EML6: variants seen among roughly 807,000 people sequenced by gnomAD.
EML6 encodes echinoderm microtubule-associated protein-like 6.
Under a neutral mutation model 240.1 loss-of-function variants are expected in EML6, and 154 were observed. That is an observed-to-expected ratio of 0.64 (90% CI 0.56 to 0.73). EML6 has a LOEUF of 0.73. Among genes scored for constraint, EML6 ranks in the 30% least tolerant of loss-of-function variants. The pLI is 0.00. For missense variants in EML6, 2,964 were observed against 2,474.6 expected (o/e 1.20, Z -4.20); for synonymous variants, 1,148 against 899.0 (o/e 1.28, Z -4.95).
chr2:54,960,921 A>G (rs1472352779), intron 35 of EML6, among the ~76,000 whole-genome samples: 1 of 152,058 alleles, frequency 6.6e-6, no homozygotes, highest in Non-Finnish European at 1.5e-5. Flanking sequence ...ATTTCCTTCT[A>G]TTTAAATTCC....
intron 21 of EML6, among the ~76,000 whole-genome samples, chr2:54,896,111 C>G (rs145170516): frequency 1.3e-4 from 20 of 152,290 alleles, no homozygotes; most frequent in Non-Finnish European, 2.6e-4. Flanking sequence ...TTATTCATGT[C>G]CCTACCACAT....
At chr2:54,740,960 AT>A (rs1356703566) in intron 2 of EML6, among the ~76,000 whole-genome samples, 1 of 152,188 alleles carries the variant, frequency 6.6e-6, no homozygotes, top group Non-Finnish European at 1.5e-5. Flanking sequence ...TAAATTTATA[AT>A]TATTTTCTTC....
chr2:54,801,370 C>G (rs112235365), intron 2 of EML6, among the ~76,000 whole-genome samples: 11 of 150,940 alleles, frequency 7.3e-5, no homozygotes, highest in Non-Finnish European at 1.6e-4. Flanking sequence ...CTTCCTATGA[C>G]GTGTCTGAGA....
intron 2 of EML6, among the ~76,000 whole-genome samples, chr2:54,760,987 G>C (rs1229186006): frequency 1.3e-5 from 2 of 152,074 alleles, no homozygotes; most frequent in Admixed American, 1.3e-4. Context: ...GAAGTACTGA[G>C]TTTGGTAATC....
At chr2:54,937,829 TTAAA>T (rs1675227412) in intron 28 of EML6, among the ~76,000 whole-genome samples, 2 of 152,226 alleles carry the variant, frequency 1.3e-5, no homozygotes, top group Non-Finnish European at 2.9e-5. Flanking sequence ...TGTGCATTAA[TTAAA>T]TACTGTTTGT....
intron 17 of EML6, among the ~76,000 whole-genome samples, chr2:54,887,537 T>G (rs1672214734): frequency 6.6e-6 from 1 of 152,244 alleles, no homozygotes; most frequent in South Asian, 2.1e-4. Context: ...TTAAATTTAT[T>G]AATCTTTTAT....
chr2:54,859,318 G>A (rs1159729617), intron 11 of EML6, among the ~76,000 whole-genome samples: 2 of 152,136 alleles, frequency 1.3e-5, no homozygotes, highest in African/African-American at 4.8e-5. Flanking sequence ...TAGCCACAGG[G>A]CTTAAATTTT....
At chr2:54,737,442 G>T (rs765191729) in intron 2 of EML6, among the ~76,000 whole-genome samples, 10 of 152,084 alleles carry the variant, frequency 6.6e-5, no homozygotes, top group South Asian at 2.1e-4. Flanking sequence ...GGGATTATAG[G>T]CATGCGCCAC....
chr2:54,909,180 T>C (rs1332697450), intron 24 of EML6, among the ~76,000 whole-genome samples: 1 of 152,222 alleles, frequency 6.6e-6, no homozygotes, highest in African/African-American at 2.4e-5. Flanking sequence ...ATTCAAAGAA[T>C]GTGTTCACTG....
At chr2:54,892,395 A>G (rs551124545) in intron 18 of EML6, 59 bp from the exon 19 acceptor site, 37 of 1,147,466 alleles carry the variant, frequency 3.2e-5, no homozygotes, top group East Asian at 1.5e-4. Context: ...TAGTCCTTCT[A>G]CATGCTTATA....
Position 54,724,128 on chromosome 2 carries a change from C to T in EML6, c.-514+351C>T, listed in dbSNP as rs1429534375. Among the ~76,000 whole-genome samples, 2 of 152,134 alleles carry T rather than the reference C, an allele frequency of 1.3e-5. No homozygotes were observed. On this transcript the variant is annotated intron_variant, in intron 1 of 41. Transcript: ENST00000356458. The surrounding 1 kb of genome is among the most constrained non-coding windows in gnomAD (Gnocchi z 5.2). ...AGGTAGCGCACTCCCTCCGACTGCA[C>T]TAGTGCCTCGTTTCTTCCGAGTAAG...
At chr2:54,969,507 T>C (rs1023787046) in intron 41 of EML6, among the ~76,000 whole-genome samples, 11 of 152,208 alleles carry the variant, frequency 7.2e-5, no homozygotes, top group African/African-American at 2.7e-4. Context: ...GCCCTTGAGA[T>C]AGTACCGCCA....
intron 9 of EML6, 131 bp downstream of exon 9, chr2:54,847,754 TACGATCCC>T: frequency 2.2e-6 from 2 of 926,760 alleles, no homozygotes; most frequent in Non-Finnish European, 3.1e-6. Flanking sequence ...ACTATAGATC[TACGATCCC>T]CTATCTGTAA....
At chr2:54,821,205 A>G (rs1668319288) in intron 5 of EML6, among the ~76,000 whole-genome samples, 1 of 152,182 alleles carries the variant, frequency 6.6e-6, no homozygotes, top group African/African-American at 2.4e-5. Context: ...ACATTTCTGT[A>G]TGAATGAAGA....
Position 54,892,668 on chromosome 2 carries a change from G to A in EML6, c.2742+12G>A. The A allele has an allele frequency of 6.5e-7, 1 of 1,541,158 alleles. No homozygotes were observed. Among genetic ancestry groups the A allele is most frequent in the South Asian group, 1.2e-5 (1 of 82,714 alleles). On this transcript the variant is annotated intron_variant, in intron 19 of 41. Coordinates refer to ENST00000356458, the MANE Select transcript of EML6 (RefSeq NM_001039753.4). ...ATGCACTGGATAAGGTATGGCCTGT[G>A]TATCAGCATTCATTTTCCTCATCAG...
At chr2:54,801,261 G>T (rs1323709056) in intron 2 of EML6, among the ~76,000 whole-genome samples, 2 of 146,252 alleles carry the variant, frequency 1.4e-5, no homozygotes. Flanking sequence ...CTTGCAGTGA[G>T]CCGAGATCTC....
chr2:54,843,767 C>G (rs1314102076), intron 7 of EML6, among the ~76,000 whole-genome samples: 1 of 149,472 alleles, frequency 6.7e-6, no homozygotes, highest in African/African-American at 2.5e-5. Context: ...GGCGTGAACC[C>G]GGGAGGCGGA....
chr2:54,777,579 G>A (rs896695290), intron 2 of EML6, among the ~76,000 whole-genome samples: 5 of 152,184 alleles, frequency 3.3e-5, no homozygotes, highest in Admixed American at 6.5e-5. Context: ...CTATCTTGGT[G>A]TGTCCTTATG....
Position 54,896,579 on chromosome 2 carries a change from G to T in EML6, c.2982+1179G>T, listed in dbSNP as rs550420419. Among the ~76,000 whole-genome samples the T allele has an allele frequency of 5.9e-5, 9 of 152,300 alleles. No homozygotes were observed. The East Asian group carries it at 1.5e-3, about 26-fold the overall frequency. ...CATATTTAGGTGGAAGAGGCATGGT[G>T]AGGGGTGAAGGATGTGTGTTCAGAA... On this transcript the variant is annotated intron_variant, in intron 21 of 41. Coordinates refer to ENST00000356458, the MANE Select transcript of EML6 (RefSeq NM_001039753.4).
Sources: gnomAD v4.1 joint callset for allele counts (sites outside exome capture counted in the v4.1 genomes callset) on GRCh38, gnomAD v4.1.1 for gene constraint, Gnocchi (gnomAD v3.1) non-coding constraint, MANE v1.5 for transcripts, NCBI Gene and HGNC (gene_info 2026-07-23, HGNC 2026-07-21) for gene names.